The following ATF6 variants were observed in gnomAD, a reference collection of about 807,000 sequenced individuals.
ATF6 encodes the protein activating transcription factor 6.
Under a neutral mutation model 83.6 loss-of-function variants are expected in ATF6, and 53 were observed. That is an observed-to-expected ratio of 0.63 (90% CI 0.51 to 0.80). The LOEUF (loss-of-function observed/expected upper bound fraction) is 0.80. Ranked by LOEUF, ATF6 falls within the 30% of genes least tolerant of loss-of-function variation. The pLI is 0.00. For synonymous variants in ATF6, 288 were observed against 285.8 expected (o/e 1.01, Z -0.08); for missense variants, 744 against 797.9 (o/e 0.93, Z 0.81).
rs181123079 is a variant in ATF6, at chr1:161,892,362, A to G, written c.1720-19934A>G. ...AATTATTCTAAACAAATGGACATCTACTTCCCTTAGAATGAAAAGAGGAAT... is the reference window on the plus strand; with the variant it reads ...AATTATTCTAAACAAATGGACATCTGCTTCCCTTAGAATGAAAAGAGGAAT... On this transcript the variant is annotated intron_variant, in intron 14 of 15. Coordinates refer to ENST00000367942, the MANE Select transcript of ATF6 (RefSeq NM_007348.4). Among the ~76,000 whole-genome samples, 12 of 152,346 alleles carry G rather than the reference A, an allele frequency of 7.9e-5. No individual in the cohort carries two copies. In the East Asian group the frequency reaches 1.5e-3, roughly 20 times the overall value.
chr1:161,775,870 G>A (rs1684502932), intron 1 of ATF6, among the ~76,000 whole-genome samples: 1 of 150,648 alleles, frequency 6.6e-6, no homozygotes, highest in Admixed American at 6.7e-5. Context: ...TTAGCAGACA[G>A]AACTAGGAAA....
In ATF6 at chr1:161,958,870, T is replaced by G; in HGVS notation, c.*216T>G. ...GAATTCAGATGCAAGAGAACAATGT[T>G]TCTTCAGTGGCAAATGTAGCCCTGC... On this transcript the variant is annotated 3_prime_UTR_variant, in exon 16 of 16. Coordinates refer to ENST00000367942, the MANE Select transcript of ATF6 (RefSeq NM_007348.4). 2.1e-6 allele frequency: 1 copy of G among 465,744 alleles called. No homozygotes were observed. The highest frequency in any genetic ancestry group is 3.8e-6 in the Non-Finnish European group (1 of 264,856). The allele number at this position is 465,744 out of a possible 1,614,324, so 28.9% of individuals were successfully genotyped here. A position where few individuals can be genotyped will look rare whatever the true frequency, so the allele number is the denominator to read the frequency against.
At chr1:161,778,758 A>G (rs1169111574) in intron 2 of ATF6, among the ~76,000 whole-genome samples, 3 of 152,198 alleles carry the variant, frequency 2.0e-5, no homozygotes, top group Non-Finnish European at 4.4e-5. Context: ...GAAAGCTCTG[A>G]AAAGTAGGTG....
Position 161,958,489 on chromosome 1 carries a change from T to C in ATF6, c.1848T>C (p.Ile616=). Residue 616 remains isoleucine, a synonymous_variant, in exon 16 of 16, where the codon ATT becomes ATC. Coordinates refer to ENST00000367942, the MANE Select transcript of ATF6 (RefSeq NM_007348.4). ...AGGACTACGAAGTGATGATGCAGAT[T>C]GACTGTCAGGTGATGGACACCAGGA... ...NGQDYEVMMQ[I]DCQVMDTRIL... 6.2e-7 allele frequency: 1 copy of C among 1,613,118 alleles called. No homozygotes were observed. Among genetic ancestry groups the C allele is most frequent in the Non-Finnish European group, 8.5e-7 (1 of 1,179,394 alleles).
intron 9 of ATF6, among the ~76,000 whole-genome samples, chr1:161,833,218 CA>C (rs1368198897): frequency 6.6e-6 from 1 of 152,158 alleles, no homozygotes; most frequent in Non-Finnish European, 1.5e-5. Context: ...GGAAAACTAA[CA>C]AACAGAAAGG....
At chr1:161,869,406 A>G (rs1219511307) in intron 14 of ATF6, among the ~76,000 whole-genome samples, 1 of 151,992 alleles carries the variant, frequency 6.6e-6, no homozygotes, top group Non-Finnish European at 1.5e-5. Flanking sequence ...AGTCTACTTC[A>G]AAAGGGTACA....
intron 14 of ATF6, among the ~76,000 whole-genome samples, chr1:161,872,471 T>A (rs1423268683): frequency 6.6e-6 from 1 of 151,636 alleles, no homozygotes; most frequent in Non-Finnish European, 1.5e-5. Context: ...AGCCACATGT[T>A]ACTCAAAGTA....
chr1:161,912,843 G>A (rs942344943), intron 15 of ATF6, among the ~76,000 whole-genome samples: 5 of 151,946 alleles, frequency 3.3e-5, no homozygotes, highest in African/African-American at 9.7e-5. Context: ...TATTACTATT[G>A]CATTTTGTTA....
chr1:161,910,651 G>GT (rs1237479469), intron 14 of ATF6, among the ~76,000 whole-genome samples: 1 of 152,132 alleles, frequency 6.6e-6, no homozygotes, highest in Non-Finnish European at 1.5e-5. Context: ...GGGCTTGCAA[G>GT]TTTTTTGGTT....
chr1:161,919,576 T>A (rs1688163009), intron 15 of ATF6, among the ~76,000 whole-genome samples: 1 of 152,238 alleles, frequency 6.6e-6, no homozygotes, highest in African/African-American at 2.4e-5. Context: ...CATAGGGGAA[T>A]GAATTCTATG....
chr1:161,954,024 T>C (rs1302859613), intron 15 of ATF6, among the ~76,000 whole-genome samples: 1 of 151,972 alleles, frequency 6.6e-6, no homozygotes, highest in Non-Finnish European at 1.5e-5. Flanking sequence ...AAGTAGAAAA[T>C]TAGACTGGGC....
At position 161,821,146 on chromosome 1, in the gene ATF6, A is replaced by G. The variant is rs777283152; in HGVS notation, c.1172A>G (p.Asn391Ser). 1 of 1,607,856 alleles carries G rather than the reference A, an allele frequency of 6.2e-7. No individual in the cohort carries two copies. ...VMIVLAFIILNYGPMSMLEQD... is the reference protein window; with the variant it reads ...VMIVLAFIILSYGPMSMLEQD... ...ATAGTATTGGCATTTATAATACTGA[A>G]CTATGGACCTATGAGGTAAGTGAAT... The change falls in exon 9 of 16, where the codon AAC (asparagine) becomes AGC (serine). Residue 391 changes from asparagine (N) to serine (S), a missense_variant. Physicochemically the swap from Asn to Ser is conservative, Grantham distance 46. Transcript: ENST00000367942.
intron 7 of ATF6, 80 bp downstream of exon 7, chr1:161,802,352 G>C: frequency 2.3e-6 from 3 of 1,310,330 alleles, no homozygotes; most frequent in Non-Finnish European, 3.2e-6. Context: ...TTGTTGCCTT[G>C]TTTTTGTTTT....
At chr1:161,832,719 C>T (rs1420492148) in intron 9 of ATF6, among the ~76,000 whole-genome samples, 3 of 152,224 alleles carry the variant, frequency 2.0e-5, no homozygotes, top group Admixed American at 6.5e-5. Context: ...GGGGCACCTG[C>T]CATTGCCCAG....
At chr1:161,958,085 C>T (rs779910702) in intron 15 of ATF6, among the ~76,000 whole-genome samples, 6 of 152,106 alleles carry the variant, frequency 3.9e-5, no homozygotes, top group Non-Finnish European at 8.8e-5. Context: ...TCTGTATTCC[C>T]CACTAAAAAG....
chr1:161,883,775 C>T (rs192949715), intron 14 of ATF6, among the ~76,000 whole-genome samples: 47 of 151,914 alleles, frequency 3.1e-4, no homozygotes, highest in African/African-American at 9.4e-4. Context: ...TGCATAAGGT[C>T]GCTATGCATT....
Position 161,860,253 on chromosome 1 carries a change from ACACAGAAAC to A in ATF6, c.1584_1592del (p.Glu529_Thr531del). 6.2e-7 allele frequency: 1 copy of A among 1,600,180 alleles called. No homozygotes were observed. Among genetic ancestry groups the A allele is most frequent in the Middle Eastern group, 1.7e-4 (1 of 6,002 alleles). On this transcript the variant is annotated inframe_deletion, in exon 13 of 16. Coordinates refer to ENST00000367942, the MANE Select transcript of ATF6 (RefSeq NM_007348.4). ...AATTCTCAGCTGATGGCTGTTCAAT[ACACAGAAAC>A]CACTAGTAGTATCAGGTAAGACAGT...
At chr1:161,896,147 G>A (rs941508097) in intron 14 of ATF6, among the ~76,000 whole-genome samples, 23 of 151,956 alleles carry the variant, frequency 1.5e-4, no homozygotes, top group African/African-American at 5.3e-4. Context: ...TCATTCTGTC[G>A]CCCAGGCTGG....
At chr1:161,944,500 C>A (rs138560041) in intron 15 of ATF6, among the ~76,000 whole-genome samples, 140 of 152,320 alleles carry the variant, frequency 9.2e-4, no homozygotes, top group East Asian at 7.7e-3. Context: ...ACAAGGTATG[C>A]AGTTTGTTCT....
Sources: gnomAD v4.1 joint callset for allele counts (sites outside exome capture counted in the v4.1 genomes callset) on GRCh38, gnomAD v4.1.1 for gene constraint, MANE v1.5 for transcripts, NCBI Gene and HGNC (gene_info 2026-07-23, HGNC 2026-07-21) for gene names.